MARCHF10: variants seen among roughly 807,000 people sequenced by gnomAD.
The protein encoded by MARCHF10 is membrane associated ring-CH-type finger 10.
In MARCHF10, 64 loss-of-function variants were observed where a neutral mutation model predicts 76.2. The observed-to-expected ratio is 0.84, with a 90% CI of 0.69 to 1.03. The LOEUF is 1.03. MARCHF10 is among the 50% of genes least tolerant of loss of function. The pLI is 0.00. For synonymous variants in MARCHF10, 340 were observed against 357.5 expected (o/e 0.95, Z 0.55); for missense variants, 875 against 958.0 (o/e 0.91, Z 1.14).
intron 3 of MARCHF10, among the ~76,000 whole-genome samples, chr17:62,765,901 G>T (rs2092318130): frequency 6.6e-6 from 1 of 152,098 alleles, no homozygotes; most frequent in South Asian, 2.1e-4. Flanking sequence ...GAAATTGATA[G>T]ATTTTAAAAA....
intron 2 of MARCHF10, among the ~76,000 whole-genome samples, chr17:62,796,856 G>C (rs1598071292): frequency 1.3e-5 from 2 of 152,094 alleles, no homozygotes; most frequent in African/African-American, 4.8e-5. Flanking sequence ...AGCTGGGTGT[G>C]GTAGCACATG....
Position 62,711,543 on chromosome 17 carries a change from A to AT in MARCHF10, c.2215-200dup, listed in dbSNP as rs5821369. On this transcript the variant is annotated intron_variant, in intron 8 of 10. Coordinates refer to ENST00000311269, the MANE Select transcript of MARCHF10 (RefSeq NM_152598.4). This position sits in a 1 kb window ranked among gnomAD's most constrained non-coding sequence, Gnocchi z 4.4. The stretch of plus-strand genomic sequence containing the variant: ...AGGCCAGGGCAGCCACTCCCCTGGG[A>AT]TTTTTTACTAGCTAGTGGAGGATGC... Among the ~76,000 whole-genome samples the AT allele has an allele frequency of 0.022, 3,421 of 152,194 alleles. 67 individuals are homozygous for AT. The highest frequency in any genetic ancestry group is 0.047 in the African/African-American group (1,953 of 41,532).
At chr17:62,797,132 G>A (rs767028892) in intron 2 of MARCHF10, among the ~76,000 whole-genome samples, 3 of 152,206 alleles carry the variant, frequency 2.0e-5, no homozygotes, top group Non-Finnish European at 4.4e-5. Context: ...AGTTATGATA[G>A]TTATGGCTGC....
chr17:62,800,883 C>G (rs2093060191), intron 2 of MARCHF10, among the ~76,000 whole-genome samples: 1 of 152,142 alleles, frequency 6.6e-6, no homozygotes, highest in Non-Finnish European at 1.5e-5. Context: ...CTAGGGGGAC[C>G]AGCAGTTAGC....
chr17:62,760,070 A>T lies in MARCHF10; in HGVS notation c.211-64T>A, dbSNP rs1010960771. 3 of 1,442,628 alleles carry T rather than the reference A, an allele frequency of 2.1e-6. No individual in the cohort carries two copies. In the African/African-American group the frequency reaches 4.2e-5, roughly 20 times the overall value. 89.4% of individuals were successfully genotyped at this position (1,442,628 alleles called of 1,614,324 possible). Reference sequence around the variant, plus strand: ...GTAGGTCAACTTTGTTAGGCAGAGAAAACAGAAATGAGGCAAATGCAGTGA... The same window carrying T: ...GTAGGTCAACTTTGTTAGGCAGAGATAACAGAAATGAGGCAAATGCAGTGA... On this transcript the variant is annotated intron_variant, in intron 3 of 10. Coordinates refer to ENST00000311269, the MANE Select transcript of MARCHF10 (RefSeq NM_152598.4).
chr17:62,714,020 C>T (rs2090067737), intron 8 of MARCHF10, among the ~76,000 whole-genome samples: 1 of 152,184 alleles, frequency 6.6e-6, no homozygotes, highest in African/African-American at 2.4e-5. Flanking sequence ...AATGTTCTAT[C>T]AAGTCTTCAA....
intron 10 of MARCHF10, among the ~76,000 whole-genome samples, chr17:62,704,236 G>A (rs2147529244): frequency 1.3e-5 from 2 of 151,864 alleles, no homozygotes; most frequent in Middle Eastern, 6.8e-3. Context: ...CGAGGCGCAG[G>A]GCGTTTTCCC....
At chr17:62,748,598 G>T (rs1568155514) in intron 4 of MARCHF10, among the ~76,000 whole-genome samples, 1 of 152,024 alleles carries the variant, frequency 6.6e-6, no homozygotes, top group African/African-American at 2.4e-5. Flanking sequence ...AAAAATATTA[G>T]CTGGGTGTGC....
At chr17:62,749,158 T>C (rs1003782) in intron 4 of MARCHF10, among the ~76,000 whole-genome samples, 78,612 of 151,950 alleles carry the variant, frequency 0.52, 21,417 homozygotes, top group East Asian at 0.71. Flanking sequence ...CTTGACAATG[T>C]TGGGAAACTG....
chr17:62,714,414 C>T (rs1370610335), intron 8 of MARCHF10: 1 of 985,216 alleles, frequency 1.0e-6, no homozygotes, highest in Non-Finnish European at 1.2e-6. Context: ...TATATGGGAT[C>T]TCGCAACACC....
intron 8 of MARCHF10, among the ~76,000 whole-genome samples, chr17:62,717,395 C>T (rs1200704448): frequency 1.3e-5 from 2 of 152,248 alleles, no homozygotes; most frequent in Non-Finnish European, 2.9e-5. Flanking sequence ...CTCACTGAAA[C>T]GAATTTAAAA....
At chr17:62,701,839 C>A in intron 10 of MARCHF10, 81 bp from the exon 11 acceptor site, 1 of 1,573,076 alleles carries the variant, frequency 6.4e-7, no homozygotes, top group Non-Finnish European at 8.7e-7. Context: ...ACTGCTGCTT[C>A]ATCTTCTCCC....
chr17:62,740,124 AT>A (rs1189418432), intron 5 of MARCHF10, among the ~76,000 whole-genome samples: 3 of 151,426 alleles, frequency 2.0e-5, no homozygotes, highest in Non-Finnish European at 4.4e-5. Flanking sequence ...AGACTGTGCC[AT>A]TCTCGATTTA....
rs895570863 is a variant in MARCHF10, at chr17:62,736,808, A to G, written c.1060T>C (p.Leu354=). 6.2e-7 allele frequency: 1 copy of G among 1,614,084 alleles called. No homozygotes were observed. Among genetic ancestry groups the G allele is most frequent in the Non-Finnish European group, 8.5e-7 (1 of 1,179,984 alleles). ...SRRSEPSHGS[L]RISNAMEPAT... ...GGCTCCATTGCATTGCTTATTCTCA[A>G]TGAGCCATGACTGGGCTCACTTCTT... The change falls in exon 6 of 11, where the codon TTG becomes CTG. Residue 354 remains leucine (L), a synonymous_variant. Transcript: ENST00000311269.
At position 62,736,420 on chromosome 17, in the gene MARCHF10, T is replaced by A. The variant is rs866064169; in HGVS notation, c.1448A>T (p.Asp483Val). ...PASFMHSALRDDIPVDLSMSS... is the reference protein window; with the variant it reads ...PASFMHSALRVDIPVDLSMSS... ...CATTGACAAGTCTACTGGAATATCATCTCTCAGAGCAGAATGCATGAATGA... is the reference window on the plus strand; with the variant it reads ...CATTGACAAGTCTACTGGAATATCAACTCTCAGAGCAGAATGCATGAATGA... The change falls in exon 6 of 11, where the codon GAT (aspartate) becomes GTT (valine). Residue 483 changes from aspartate to valine, a missense_variant. Physicochemically the swap from Asp to Val is radical, Grantham distance 152. Coordinates refer to ENST00000311269, the MANE Select transcript of MARCHF10 (RefSeq NM_152598.4). 9 of 1,614,116 alleles carry A rather than the reference T, an allele frequency of 5.6e-6. No homozygotes were observed. The highest frequency in any genetic ancestry group is 3.3e-4 in the Middle Eastern group (2 of 6,060).
chr17:62,736,568 G>A lies in MARCHF10; in HGVS notation c.1300C>T (p.His434Tyr). 2 of 1,614,180 alleles carry A rather than the reference G, an allele frequency of 1.2e-6. No homozygotes were observed. Among genetic ancestry groups the A allele is most frequent in the Non-Finnish European group, 1.7e-6 (2 of 1,180,040 alleles). ...CISVEHRPGTHDSEGYWKDYL... is the reference protein window; with the variant it reads ...CISVEHRPGTYDSEGYWKDYL... ...TCTTTCCAGTATCCTTCAGAATCAT[G>A]GGTGCCAGGCCTATGTTCCACAGAA... The change falls in exon 6 of 11, where the codon CAT (histidine) becomes TAT (tyrosine). Residue 434 changes from histidine to tyrosine, a missense_variant. Coordinates refer to ENST00000311269, the MANE Select transcript of MARCHF10 (RefSeq NM_152598.4).
At chr17:62,802,323 G>T (rs1204353834) in intron 1 of MARCHF10, among the ~76,000 whole-genome samples, 1 of 152,006 alleles carries the variant, frequency 6.6e-6, no homozygotes, top group Non-Finnish European at 1.5e-5. Flanking sequence ...GGGTTCAAGC[G>T]ATTCTCTTGC....
Position 62,788,495 on chromosome 17 carries a change from C to A in MARCHF10, c.195G>T (p.Arg65Ser), listed in dbSNP as rs529068058. 2.5e-5 allele frequency: 40 copies of A among 1,614,114 alleles called. 1 individual carries two copies. In the South Asian group the frequency reaches 4.0e-4, roughly 16 times the overall value. ...TTCTTCATACCTGTTTGGAAGATGACCTGCTAGAAAACCGGGATCTCTCAA... is the reference window on the plus strand; with the variant it reads ...TTCTTCATACCTGTTTGGAAGATGAACTGCTAGAAAACCGGGATCTCTCAA... ...TSFERSRFSS[R>S]SSSKQSSSEE... is the part of the protein sequence containing the mutation. The change falls in exon 3 of 11, where the codon AGG becomes AGT. Residue 65 changes from arginine (R) to serine (S), a missense_variant. Coordinates refer to ENST00000311269, the MANE Select transcript of MARCHF10 (RefSeq NM_152598.4).
intron 9 of MARCHF10, among the ~76,000 whole-genome samples, chr17:62,708,496 G>A (rs903419953): frequency 1.1e-4 from 16 of 152,048 alleles, no homozygotes; most frequent in East Asian, 3.9e-4. Flanking sequence ...CACCTGTCTC[G>A]GCCTCCCAAA....
Sources: gnomAD v4.1 joint callset for allele counts (sites outside exome capture counted in the v4.1 genomes callset) on GRCh38, gnomAD v4.1.1 for gene constraint, Gnocchi (gnomAD v3.1) non-coding constraint, MANE v1.5 for transcripts, NCBI Gene and HGNC (gene_info 2026-07-23, HGNC 2026-07-21) for gene names.